BANF2: variants seen among roughly 807,000 people sequenced by gnomAD.
The protein encoded by BANF2 is barrier-to-autointegration factor-like protein.
A neutral mutation model predicts 8.0 loss-of-function variants in BANF2; 4 were observed. That is an observed-to-expected ratio of 0.50 (90% CI 0.25 to 1.14). BANF2 has a LOEUF of 1.14. Ranked by LOEUF, BANF2 falls within the 50% of genes most tolerant of loss-of-function variation. The probability of loss-of-function intolerance (pLI) is 0.16; values close to 1 mark genes in which losing one functional copy is unlikely to be tolerated. For synonymous variants in BANF2, 50 were observed against 40.6 expected (o/e 1.23, Z -0.88); for missense variants, 96 against 107.5 (o/e 0.89, Z 0.47).
intron 3 of BANF2, among the ~76,000 whole-genome samples, chr20:17,726,352 AT>A (rs2037809516): frequency 6.6e-6 from 1 of 151,912 alleles, no homozygotes. Flanking sequence ...TGCCTGGTTA[AT>A]TTTTTGTGTT....
intron 3 of BANF2, among the ~76,000 whole-genome samples, chr20:17,732,057 C>T (rs1265518007): frequency 7.0e-6 from 1 of 142,350 alleles, no homozygotes; most frequent in Non-Finnish European, 1.5e-5. Context: ...CAGAGGGAGA[C>T]GTCGTCAAAA....
rs561309247 is a variant in BANF2 at position 17,735,446 on chromosome 20, G to A, written c.127-219G>A. Among the ~76,000 whole-genome samples the A allele has an allele frequency of 5.9e-5, 9 of 152,238 alleles. No individual in the cohort carries two copies. The East Asian group carries it at 9.7e-4, about 16-fold the overall frequency. On this transcript the variant is annotated intron_variant, in intron 3 of 3. Transcript: ENST00000246090. ...TGACTCATTCCAGGGTGGACGGCCC[G>A]CAAACCAGCCCTGAGAGATGGGCAT...
At chr20:17,703,850 C>T (rs901348702) in intron 1 of BANF2, among the ~76,000 whole-genome samples, 5 of 150,854 alleles carry the variant, frequency 3.3e-5, no homozygotes, top group South Asian at 2.1e-4. Context: ...TGGGTTCAAG[C>T]GATTCTCCTG....
chr20:17,722,805 A>G lies in BANF2; in HGVS notation c.-77A>G, dbSNP rs2037751670. 1 of 984,972 alleles carries G rather than the reference A, an allele frequency of 1.0e-6. No individual in the cohort carries two copies. The highest frequency in any genetic ancestry group is 1.2e-6 in the Non-Finnish European group (1 of 829,530). The allele number at this position is 984,972 out of a possible 1,614,324, so 61.0% of individuals were successfully genotyped here. On this transcript the variant is annotated 5_prime_UTR_variant, in exon 2 of 4. Transcript: ENST00000246090. ...GGATTCATCTCTTCCGGGAGAGTTC[A>G]GTGTCTTCTGAAATGTTACAAAACG...
chr20:17,723,015 AT>A, intron 2 of BANF2, 137 bp downstream of exon 2: 1 of 482,078 alleles, frequency 2.1e-6, no homozygotes, highest in Non-Finnish European at 2.7e-6. Context: ...AGCAAAGGCC[AT>A]TAGGAGGCAG....
At chr20:17,719,421 C>T (rs2037698731) in intron 1 of BANF2, among the ~76,000 whole-genome samples, 3 of 152,152 alleles carry the variant, frequency 2.0e-5, no homozygotes, top group Admixed American at 2.0e-4. Flanking sequence ...TGTGAGCCAC[C>T]ACACCTGGGC....
chr20:17,698,638 T>C (rs1180389584), upstream of BANF2, among the ~76,000 whole-genome samples: 5 of 152,200 alleles, frequency 3.3e-5, no homozygotes, highest in African/African-American at 9.7e-5. Flanking sequence ...CAGGGTGGAC[T>C]CCAGCAGCTG....
At position 17,722,849 on chromosome 20, in the gene BANF2, C is replaced by T. The variant is rs954475702; in HGVS notation, c.-33C>T. 2.6e-5 allele frequency: 26 copies of T among 985,178 alleles called. No homozygotes were observed. The Admixed American group carries it at 3.1e-4, about 12-fold the overall frequency. The allele number at this position is 985,178 out of a possible 1,614,324, so 61.0% of individuals were successfully genotyped here. ...CAAAACGTCCTTCAGAGCAAGAAGG[C>T]GTACACGAGGAGCTCGACTCTGTAG... On this transcript the variant is annotated 5_prime_UTR_variant, in exon 2 of 4. Transcript: ENST00000246090.
rs184023877 is a variant in BANF2 at position 17,732,779 on chromosome 20, C to A, written c.127-2886C>A. 6.0e-3 allele frequency among the ~76,000 whole-genome samples: 914 copies of A among 152,296 alleles called. 2 individuals carry two copies. The highest frequency in any genetic ancestry group is 0.01 in the Non-Finnish European group (698 of 68,026). ...TCAGGGTTTCTGTGTTTCTGTGTCA[C>A]CCCTCCCACCCCAGTAGCTGAATTC... On this transcript the variant is annotated intron_variant, in intron 3 of 3. Coordinates refer to ENST00000246090, the MANE Select transcript of BANF2 (RefSeq NM_178477.5).
chr20:17,713,334 G>C (rs2037604021), intron 1 of BANF2, among the ~76,000 whole-genome samples: 1 of 152,074 alleles, frequency 6.6e-6, no homozygotes, highest in Admixed American at 6.6e-5. Flanking sequence ...AAATAGGCCA[G>C]TCACCAAAAG....
At chr20:17,709,470 G>A (rs760452913) in intron 1 of BANF2, among the ~76,000 whole-genome samples, 1 of 152,168 alleles carries the variant, frequency 6.6e-6, no homozygotes, top group African/African-American at 2.4e-5. Flanking sequence ...GTGGGCCTTC[G>A]ATATCCTATG....
rs79766842 is a variant in BANF2, at chr20:17,702,550, G to A, written c.-167+2495G>A. On this transcript the variant is annotated intron_variant, in intron 1 of 3. Transcript: ENST00000246090. ...AAAGAAGTCAGTTACACAGACCTCT[G>A]CTGCCAGTTTCCATGGATGAGGCCT... Among the ~76,000 whole-genome samples, 954 of 152,314 alleles carry A rather than the reference G, an allele frequency of 6.3e-3. 9 individuals are homozygous for A. The highest frequency in any genetic ancestry group is 0.022 in the African/African-American group (907 of 41,570).
Position 17,722,860 on chromosome 20 carries a change from A to C in BANF2, c.-22A>C. On this transcript the variant is annotated 5_prime_UTR_variant, in exon 2 of 4. Transcript: ENST00000246090. The stretch of plus-strand genomic sequence containing the variant: ...TCAGAGCAAGAAGGCGTACACGAGG[A>C]GCTCGACTCTGTAGAAAGGTCTGGA... The C allele has an allele frequency of 1.0e-6, 1 of 985,446 alleles. No individual in the cohort carries two copies. The highest frequency in any genetic ancestry group is 1.2e-6 in the Non-Finnish European group (1 of 829,910). The allele number at this position is 985,446 out of a possible 1,614,324, so 61.0% of individuals were successfully genotyped here. A position where few individuals can be genotyped will look rare whatever the true frequency, so the allele number is the denominator to read the frequency against.
chr20:17,703,023 C>T (rs763615864), intron 1 of BANF2, among the ~76,000 whole-genome samples: 2 of 152,136 alleles, frequency 1.3e-5, no homozygotes, highest in Non-Finnish European at 2.9e-5. Context: ...GATCTCATTC[C>T]CCTCTCCTGG....
chr20:17,710,666 C>T (rs1412230682), intron 1 of BANF2, among the ~76,000 whole-genome samples: 1 of 152,190 alleles, frequency 6.6e-6, no homozygotes, highest in Admixed American at 6.5e-5. Flanking sequence ...TGCTTGCCTC[C>T]GAGGTGACTT....
chr20:17,720,864 TG>T (rs2122621897), intron 1 of BANF2, among the ~76,000 whole-genome samples: 1 of 152,360 alleles, frequency 6.6e-6, no homozygotes, highest in African/African-American at 2.4e-5. Context: ...ATGAATGTCT[TG>T]CTGGTGGAAG....
chr20:17,732,518 G>A (rs2037913396), intron 3 of BANF2, among the ~76,000 whole-genome samples: 1 of 152,148 alleles, frequency 6.6e-6, no homozygotes, highest in African/African-American at 2.4e-5. Context: ...CACCATACCA[G>A]GCTAATTTTT....
chr20:17,708,493 G>T (rs2037520928), intron 1 of BANF2, among the ~76,000 whole-genome samples: 1 of 152,166 alleles, frequency 6.6e-6, no homozygotes, highest in African/African-American at 2.4e-5. Flanking sequence ...AGAAGAGCCA[G>T]TCACATGGGA....
chr20:17,732,545 T>TG (rs376337560), intron 3 of BANF2, among the ~76,000 whole-genome samples: 3,032 of 152,178 alleles, frequency 0.02, 95 homozygotes, highest in African/African-American at 0.068. Flanking sequence ...TTAGTAGAGA[T>TG]GGGGTTTCAC....
Sources: gnomAD v4.1 joint callset for allele counts (sites outside exome capture counted in the v4.1 genomes callset) on GRCh38, gnomAD v4.1.1 for gene constraint, MANE v1.5 for transcripts, NCBI Gene and HGNC (gene_info 2026-07-23, HGNC 2026-07-21) for gene names.